The following FAM228B variants were observed in gnomAD, a reference collection of about 807,000 sequenced individuals.
FAM228B encodes the protein protein FAM228B.
In FAM228B, 38 loss-of-function variants were observed where a neutral mutation model predicts 42.6. The ratio of observed to expected loss-of-function variants is 0.89; its 90% CI spans 0.69 to 1.17. The LOEUF (loss-of-function observed/expected upper bound fraction) is 1.17. Among genes scored for constraint, FAM228B ranks in the 50% most tolerant of loss-of-function variants. FAM228B has a pLI of 0.00. For missense variants in FAM228B, 344 were observed against 367.3 expected (o/e 0.94, Z 0.52); for synonymous variants, 109 against 122.3 (o/e 0.89, Z 0.72).
At chr2:24,136,465 C>T (rs1057176117) in intron 3 of FAM228B, among the ~76,000 whole-genome samples, 1 of 152,210 alleles carries the variant, frequency 6.6e-6, no homozygotes. Context: ...TTCAAGTGAT[C>T]TGCCCACCTC....
Position 24,112,596 on chromosome 2 carries a change from C to T in FAM228B, c.-121+17367C>T, listed in dbSNP as rs151337442. On this transcript the variant is annotated intron_variant, in intron 3 of 10. Transcript: ENST00000613899. Reference sequence around the variant, plus strand: ...GGATTATGGGCATGAGCCACCATGCCGGGCCCAGAAATTTTCACTTAATGT... The same window carrying T: ...GGATTATGGGCATGAGCCACCATGCTGGGCCCAGAAATTTTCACTTAATGT... Among the ~76,000 whole-genome samples the T allele has an allele frequency of 8.5e-5, 13 of 152,198 alleles. No individual in the cohort carries two copies. In the East Asian group the frequency reaches 1.3e-3, roughly 16 times the overall value.
rs531834945 is a variant in FAM228B, at chr2:24,168,293, C to T, written c.*14+610C>T. On this transcript the variant is annotated intron_variant, in intron 10 of 10. Transcript: ENST00000615575. ...AAGGCCGAGGGTTAGTCCTGCGGAA[C>T]GCCAAGATTTAGAGGTTGGGGCAAG... Among the ~76,000 whole-genome samples, 13 of 152,190 alleles carry T rather than the reference C, an allele frequency of 8.5e-5. No individual in the cohort carries two copies. In the South Asian group the frequency reaches 1.0e-3, roughly 12 times the overall value.
chr2:24,146,279 A>G (rs1340737895), intron 5 of FAM228B, among the ~76,000 whole-genome samples: 1 of 152,148 alleles, frequency 6.6e-6, no homozygotes, highest in Non-Finnish European at 1.5e-5. Flanking sequence ...GATATTGATA[A>G]TATTGGCCAT....
chr2:24,084,268 A>G lies in FAM228B; in HGVS notation c.-210+3313A>G. The G allele has an allele frequency of 6.2e-7, 1 of 1,613,820 alleles. No individual in the cohort carries two copies. The highest frequency in any genetic ancestry group is 1.1e-5 in the South Asian group (1 of 91,062). On this transcript the variant is annotated intron_variant, in intron 2 of 10. Coordinates refer to the FAM228B transcript ENST00000613899. This position sits in a 1 kb window ranked among gnomAD's most constrained non-coding sequence, Gnocchi z 8.4. ...ACCCTCCCCCGGGCTCGGCTTGGCC[A>G]CCTCCTTCACGTAGAGGTTTTCCGG... is the stretch of plus-strand genomic sequence containing the variant.
At chr2:24,168,264 G>A (rs1338765319) in intron 10 of FAM228B, among the ~76,000 whole-genome samples, 1 of 152,224 alleles carries the variant, frequency 6.6e-6, no homozygotes, top group Non-Finnish European at 1.5e-5. Context: ...GTGTCAAAGA[G>A]AAGAAGGCCG....
intron 2 of FAM228B, among the ~76,000 whole-genome samples, chr2:24,083,745 C>T (rs931350244): frequency 6.6e-6 from 1 of 152,180 alleles, no homozygotes; most frequent in Non-Finnish European, 1.5e-5. Flanking sequence ...CTCCGGGACT[C>T]TCAGAGTGGA....
intron 3 of FAM228B, among the ~76,000 whole-genome samples, chr2:24,109,239 G>A (rs1665750711): frequency 6.7e-6 from 1 of 148,730 alleles, no homozygotes; most frequent in South Asian, 2.1e-4. Flanking sequence ...TAAATGGCTA[G>A]CCACATGCAG....
At chr2:24,090,844 G>A (rs1665374119) in intron 2 of FAM228B, among the ~76,000 whole-genome samples, 1 of 152,132 alleles carries the variant, frequency 6.6e-6, no homozygotes, top group South Asian at 2.1e-4. Context: ...ATGCTGGAGT[G>A]CAGTGTTGTG....
chr2:24,117,504 G>A (rs1199271121), intron 3 of FAM228B, among the ~76,000 whole-genome samples: 1 of 150,688 alleles, frequency 6.6e-6, no homozygotes, highest in Non-Finnish European at 1.5e-5. Context: ...GTGCAATGGC[G>A]CTATTTTGGC....
At chr2:24,167,477 A>G in intron 9 of FAM228B, 150 bp from the exon 10 acceptor site, 1 of 922,476 alleles carries the variant, frequency 1.1e-6, no homozygotes, top group Non-Finnish European at 1.6e-6. Flanking sequence ...CTCACTGTCC[A>G]TTTAAACCTG....
intron 2 of FAM228B, chr2:24,081,116 C>T (rs559673124): frequency 2.5e-4 from 241 of 958,332 alleles, no homozygotes; most frequent in Non-Finnish European, 3.0e-4. Context: ...ATCACCTGGC[C>T]GTTGCACCAA....
intron 2 of FAM228B, among the ~76,000 whole-genome samples, chr2:24,092,218 C>CAA (rs34189159): frequency 0.011 from 327 of 29,526 alleles, 1 homozygote; most frequent in African/African-American, 0.012. Flanking sequence ...GACTCTGTCT[C>CAA]AAAAAAAAAA....
chr2:24,083,398 C>A (rs1665102627), intron 2 of FAM228B, among the ~76,000 whole-genome samples: 1 of 152,176 alleles, frequency 6.6e-6, no homozygotes, highest in South Asian at 2.1e-4. Flanking sequence ...ATCTGAACCC[C>A]TTGCTTTACA....
intron 2 of FAM228B, chr2:24,085,747 C>T (rs534518771): frequency 6.6e-6 from 1 of 152,354 alleles, no homozygotes; most frequent in East Asian, 1.9e-4. Context: ...CAACCTGTCT[C>T]CTCCACTGCA....
At chr2:24,128,496 T>G (rs931383832) in intron 2 of FAM228B, among the ~76,000 whole-genome samples, 1 of 152,206 alleles carries the variant, frequency 6.6e-6, no homozygotes, top group African/African-American at 2.4e-5. Flanking sequence ...GGTTTAATAA[T>G]TATAGTGTCT....
rs1215213141 is a variant in FAM228B at position 24,115,506 on chromosome 2, C to T, written c.-120-19613C>T. The T allele has an allele frequency of 2.3e-5, 31 of 1,336,348 alleles. No individual in the cohort carries two copies. In the South Asian group the frequency reaches 3.8e-4, roughly 16 times the overall value. The allele number at this position is 1,336,348 out of a possible 1,614,324, so 82.8% of individuals were successfully genotyped here. On this transcript the variant is annotated intron_variant, in intron 3 of 10. Transcript: ENST00000613899. ...TGCCTTCTGTCTAGTGTTTTTTCAACCATAAAATATTTTTTCTTTAGGCTC... is the reference window on the plus strand; with the variant it reads ...TGCCTTCTGTCTAGTGTTTTTTCAATCATAAAATATTTTTTCTTTAGGCTC...
intron 2 of FAM228B, among the ~76,000 whole-genome samples, chr2:24,091,463 A>C (rs1247235160): frequency 6.6e-6 from 1 of 152,138 alleles, no homozygotes; most frequent in Non-Finnish European, 1.5e-5. Flanking sequence ...ACAAACAAAT[A>C]CAAAAAACCA....
rs547748936 is a variant in FAM228B at position 24,109,283 on chromosome 2, T to C, written c.-121+14054T>C. Among the ~76,000 whole-genome samples the C allele has an allele frequency of 7.9e-5, 12 of 151,572 alleles. No homozygotes were observed. The South Asian group carries it at 2.5e-3, about 32-fold the overall frequency. ...AATTTGACCCCTTCCTTACACCATA[T>C]ACAAAATCAACTCAAGATGGATTAA... is the stretch of plus-strand genomic sequence containing the variant. On this transcript the variant is annotated intron_variant, in intron 3 of 10. Transcript: ENST00000613899.
At chr2:24,161,864 C>T (rs1408671921) in intron 8 of FAM228B, among the ~76,000 whole-genome samples, 4 of 152,148 alleles carry the variant, frequency 2.6e-5, no homozygotes, top group African/African-American at 9.7e-5. Context: ...TTTGGGAGGC[C>T]GAGGCGGGCA....
Sources: allele counts gnomAD v4.1 joint callset (sites outside exome capture counted in the v4.1 genomes callset), GRCh38; gene constraint gnomAD v4.1.1; non-coding constraint Gnocchi (gnomAD v3.1); transcripts MANE v1.5; gene names NCBI Gene and HGNC (gene_info 2026-07-23, HGNC 2026-07-21).